DOCK11: variants seen among roughly 807,000 people sequenced by gnomAD.
DOCK11 encodes the protein dedicator of cytokinesis protein 11.
Under a neutral mutation model 169.1 loss-of-function variants are expected in DOCK11, and 70 were observed. That is an observed-to-expected ratio of 0.41 (90% CI 0.34 to 0.51). The LOEUF is 0.51. Ranked by LOEUF, DOCK11 falls within the 20% of genes least tolerant of loss-of-function variation. The pLI, the probability that DOCK11 is intolerant of heterozygous loss-of-function variation, is 0.10. For missense variants in DOCK11, 1,166 were observed against 1,538.8 expected (o/e 0.76, Z 4.05); for synonymous variants, 529 against 541.3 (o/e 0.98, Z 0.32).
At chrX:118,524,179 A>C (rs956656167) in intron 1 of DOCK11, among the ~76,000 whole-genome samples, 1 of 111,700 alleles carries the variant, frequency 9.0e-6, no homozygotes, top group Non-Finnish European at 1.9e-5. Context: ...CCACCGCATT[A>C]GCTGCCTAAA....
At chrX:118,607,112 C>CTTTTTT (rs776058680) in intron 24 of DOCK11, among the ~76,000 whole-genome samples, 1 of 63,001 alleles carries the variant, frequency 1.6e-5, no homozygotes, top group African/African-American at 6.0e-5. Context: ...TCCTTTCCTT[C>CTTTTTT]TTTTTTTTTT....
intron 44 of DOCK11, among the ~76,000 whole-genome samples, chrX:118,657,002 C>T (rs749887489): frequency 8.9e-6 from 1 of 111,814 alleles, no homozygotes; most frequent in African/African-American, 3.2e-5. Context: ...ACTTTTTAGA[C>T]TTTGAAAATA....
intron 40 of DOCK11, among the ~76,000 whole-genome samples, chrX:118,647,832 ATAT>A (rs1443162149): frequency 7.4e-5 from 4 of 53,767 alleles, no homozygotes; most frequent in South Asian, 1.2e-3. Context: ...TTATAATATA[ATAT>A]TTAATATATA....
At chrX:118,553,563 A>T (rs1294758373) in intron 6 of DOCK11, among the ~76,000 whole-genome samples, 2 of 111,053 alleles carry the variant, frequency 1.8e-5, no homozygotes, top group South Asian at 3.8e-4. Context: ...GCCCTTTAAA[A>T]TTTTTTTGGC....
chrX:118,542,524 G>T (rs763296610), intron 1 of DOCK11, among the ~76,000 whole-genome samples: 124 of 108,180 alleles, frequency 1.1e-3, no homozygotes, highest in African/African-American at 3.7e-3. Flanking sequence ...GTGTGTTTGT[G>T]TGTGTGTGTG....
intron 41 of DOCK11, among the ~76,000 whole-genome samples, chrX:118,650,670 C>T (rs963083852): frequency 1.8e-5 from 2 of 111,650 alleles, no homozygotes; most frequent in Admixed American, 1.9e-4. Flanking sequence ...TTTGGAAACC[C>T]ACCTTCCCCT....
intron 48 of DOCK11, among the ~76,000 whole-genome samples, chrX:118,679,632 G>A (rs142287969): frequency 1.3e-3 from 141 of 110,892 alleles, no homozygotes; most frequent in African/African-American, 4.5e-3. Context: ...CCAGCTACAC[G>A]GGAAGCTGAA....
At chrX:118,599,008 G>A in intron 22 of DOCK11, 131 bp from the exon 23 acceptor site, 2 of 511,469 alleles carry the variant, frequency 3.9e-6, no homozygotes, top group South Asian at 6.3e-5. Flanking sequence ...TAGTGGTCAA[G>A]AGCTGCTGAG....
intron 1 of DOCK11, among the ~76,000 whole-genome samples, chrX:118,540,051 C>CAAAAAA (rs58922946): frequency 4.7e-5 from 2 of 42,252 alleles, no homozygotes; most frequent in Admixed American, 3.3e-4. Flanking sequence ...AACTCCATCT[C>CAAAAAA]AAAAAAAAAA....
At chrX:118,633,324 C>T (rs767168884) in intron 35 of DOCK11, 2 of 111,932 alleles carry the variant, frequency 1.8e-5, no homozygotes, top group South Asian at 7.4e-4. Context: ...ATAGAATAAT[C>T]CTCTAAAGTT....
chrX:118,565,166 C>T (rs1351225700), intron 7 of DOCK11, among the ~76,000 whole-genome samples: 1 of 110,472 alleles, frequency 9.1e-6, no homozygotes, highest in Non-Finnish European at 1.9e-5. Context: ...GTCTCAAACT[C>T]CTGGGCTTAA....
intron 6 of DOCK11, among the ~76,000 whole-genome samples, chrX:118,547,005 A>ATT (rs202047761): frequency 3.9e-5 from 4 of 102,371 alleles, no homozygotes; most frequent in East Asian, 6.0e-4. Context: ...TAAATAGATA[A>ATT]TTTTTTTTTT....
intron 12 of DOCK11, among the ~76,000 whole-genome samples, chrX:118,577,264 C>T (rs1026326524): frequency 7.1e-5 from 8 of 112,239 alleles, no homozygotes; most frequent in South Asian, 3.7e-4. Flanking sequence ...TCTGCCAACC[C>T]GTTCAGCCTC....
At chrX:118,562,714 A>G (rs1324745043) in intron 7 of DOCK11, among the ~76,000 whole-genome samples, 2 of 111,776 alleles carry the variant, frequency 1.8e-5, no homozygotes, top group East Asian at 5.6e-4. Context: ...TTCTTGCTAT[A>G]TATAATTTCT....
At position 118,566,060 on chromosome X, in the gene DOCK11, A is replaced by G. The variant is rs200850919; in HGVS notation, c.749A>G (p.His250Arg). The change falls in exon 8 of 53, where the codon CAT becomes CGT. Residue 250 changes from histidine (H) to arginine (R), a missense_variant. Coordinates refer to ENST00000276202, the MANE Select transcript of DOCK11 (RefSeq NM_144658.4). ...CTCAAGATGTTAGATAAATATAGCC[A>G]TTATCTGGCTGCTGAAACTGAGCAG... The part of the protein sequence containing the change: ...FELKMLDKYS[H>R]YLAAETEQEM... 202 of 1,209,647 alleles carry G rather than the reference A, an allele frequency of 1.7e-4. No individual in the cohort carries two copies. The highest frequency in any genetic ancestry group is 2.1e-4 in the Non-Finnish European group (190 of 894,767).
chrX:118,513,482 G>A (rs940946747), intron 1 of DOCK11, among the ~76,000 whole-genome samples: 2 of 112,024 alleles, frequency 1.8e-5, no homozygotes, highest in African/African-American at 6.5e-5. Flanking sequence ...AGGTGTGGTG[G>A]CACACGCCTG....
chrX:118,616,483 G>T (rs766346822), intron 30 of DOCK11, among the ~76,000 whole-genome samples: 31 of 111,208 alleles, frequency 2.8e-4, no homozygotes, highest in Non-Finnish European at 5.1e-4. Context: ...AGTTCCTGCT[G>T]CAAGCCAGCA....
chrX:118,550,101 A>G (rs922533148), intron 6 of DOCK11, among the ~76,000 whole-genome samples: 3 of 112,053 alleles, frequency 2.7e-5, no homozygotes, highest in African/African-American at 6.5e-5. Flanking sequence ...AGGTTCAGCT[A>G]GAACCTTCTG....
chrX:118,527,463 C>A (rs942019188), intron 1 of DOCK11, among the ~76,000 whole-genome samples: 1 of 111,545 alleles, frequency 9.0e-6, no homozygotes, highest in African/African-American at 3.3e-5. Flanking sequence ...AACTCTGGTC[C>A]GAGGTTCCTT....
Sources: gnomAD v4.1 joint callset for allele counts (sites outside exome capture counted in the v4.1 genomes callset) on GRCh38, gnomAD v4.1.1 for gene constraint, MANE v1.5 for transcripts, NCBI Gene and HGNC (gene_info 2026-07-23, HGNC 2026-07-21) for gene names.